The following UNC79 variants were observed in gnomAD, a reference collection of about 807,000 sequenced individuals.
UNC79 encodes unc-79 subunit of NALCN channel complex, also known as protein unc-79 homolog.
UNC79 carries 37 observed loss-of-function variants against 283.1 expected under a neutral mutation model. The ratio of observed to expected loss-of-function variants is 0.13; its 90% CI spans 0.10 to 0.17. UNC79 has a LOEUF of 0.17. Among genes scored for constraint, UNC79 ranks in the 10% least tolerant of loss-of-function variants. The pLI is 1.00. For missense variants in UNC79, 2,272 were observed against 3,211.1 expected, an observed-to-expected ratio of 0.71 and a Z score of 7.07; for synonymous variants, 1,107 against 1,200.2, an observed-to-expected ratio of 0.92 and a Z score of 1.61.
At chr14:93,464,831 C>T (rs979257256) in intron 1 of UNC79, among the ~76,000 whole-genome samples, 11 of 152,118 alleles carry the variant, frequency 7.2e-5, no homozygotes, top group African/African-American at 2.4e-4. Context: ...TGGATGCTCA[C>T]ATGGGCTTAT....
chr14:93,575,090 T>C, exon 17 of UNC79: 1 of 1,613,710 alleles, frequency 6.2e-7, no homozygotes, highest in Non-Finnish European at 8.5e-7. Flanking sequence ...TGGTTCCACT[T>C]CAACTACTAA....
intron 41 of UNC79, among the ~76,000 whole-genome samples, chr14:93,677,271 G>A (rs1233783481): frequency 6.6e-6 from 1 of 152,100 alleles, no homozygotes; most frequent in Non-Finnish European, 1.5e-5. Context: ...TGGTATATTA[G>A]TCTGTTCTCA....
chr14:93,642,114 A>G (rs768045988), intron 33 of UNC79, among the ~76,000 whole-genome samples: 11 of 152,050 alleles, frequency 7.2e-5, no homozygotes, highest in Non-Finnish European at 1.0e-4. Context: ...AGACTAATAC[A>G]GTATGCTTCT....
Position 93,531,763 on chromosome 14 carries a change from G to A in UNC79, c.1094-787G>A, listed in dbSNP as rs2060832805. 6.6e-6 allele frequency among the ~76,000 whole-genome samples: 1 copy of A among 152,132 alleles called. No individual in the cohort carries two copies. Among genetic ancestry groups the A allele is most frequent in the African/African-American group, 2.4e-5 (1 of 41,428 alleles). On this transcript the variant is annotated intron_variant, in intron 10 of 48. Transcript: ENST00000555664. The surrounding 1 kb of genome is among the most constrained non-coding windows in gnomAD (Gnocchi z 4.2). ...ATTAACCCAGTGTCATAGTATAATG[G>A]GAAGAACAGTAAATGGGGAATTTGG...
intron 1 of UNC79, among the ~76,000 whole-genome samples, chr14:93,357,813 ATATATATGGATATATGGATATG>A (rs2054132336): frequency 6.3e-5 from 6 of 95,476 alleles, no homozygotes; most frequent in Non-Finnish European, 1.2e-4. Flanking sequence ...ATATGGATAT[ATATATATGGATATATGGATATG>A]TATATATATG....
At chr14:93,656,384 C>T (rs987927330) in intron 38 of UNC79, among the ~76,000 whole-genome samples, 4 of 151,904 alleles carry the variant, frequency 2.6e-5, no homozygotes, top group African/African-American at 9.7e-5. Context: ...GTAGGGGGAT[C>T]GCTTGAACCC....
intron 1 of UNC79, among the ~76,000 whole-genome samples, chr14:93,378,839 T>A (rs745900898): frequency 3.3e-5 from 5 of 152,218 alleles, no homozygotes; most frequent in Non-Finnish European, 7.3e-5. Flanking sequence ...CAGAATTATG[T>A]CTCTTCTTTC....
At chr14:93,597,368 T>C (rs1210122597) in exon 24 of UNC79, 1 of 1,613,974 alleles carries the variant, frequency 6.2e-7, no homozygotes, top group Admixed American at 1.7e-5. Context: ...GTGGAAAAAG[T>C]TGCTGTAATT....
At chr14:93,695,126 A>G (rs1400776877) in intron 47 of UNC79, among the ~76,000 whole-genome samples, 3 of 151,744 alleles carry the variant, frequency 2.0e-5, no homozygotes, top group Non-Finnish European at 4.4e-5. Context: ...TTTCCTTCCT[A>G]TCGTTCCACC....
chr14:93,661,670 G>C (rs1414086147), intron 39 of UNC79, among the ~76,000 whole-genome samples: 1 of 152,202 alleles, frequency 6.6e-6, no homozygotes, highest in Non-Finnish European at 1.5e-5. Flanking sequence ...TAAAGCTTCA[G>C]AAGGTTAATA....
At chr14:93,694,772 A>G (rs908684929) in intron 47 of UNC79, among the ~76,000 whole-genome samples, 3 of 152,184 alleles carry the variant, frequency 2.0e-5, no homozygotes, top group Non-Finnish European at 4.4e-5. Context: ...AACAAAAAAA[A>G]AGGTAACACA....
At chr14:93,604,836 T>C (rs1344472167) in intron 26 of UNC79, 60 bp from the exon 27 acceptor site, 2 of 1,477,688 alleles carry the variant, frequency 1.4e-6, no homozygotes, top group Non-Finnish European at 9.0e-7. Context: ...ACTGAGTATA[T>C]TTTCTAGGCT....
At chr14:93,439,281 G>A (rs1204213268) in intron 1 of UNC79, among the ~76,000 whole-genome samples, 1 of 149,700 alleles carries the variant, frequency 6.7e-6, no homozygotes, top group Non-Finnish European at 1.5e-5. Context: ...TTCTTGGCTT[G>A]TATTTTACTT....
intron 14 of UNC79, among the ~76,000 whole-genome samples, chr14:93,545,129 C>T (rs1250904894): frequency 1.3e-5 from 2 of 152,066 alleles, no homozygotes; most frequent in Non-Finnish European, 2.9e-5. Context: ...ATCTAGTTTA[C>T]AAAGAGGTGA....
chr14:93,589,916 C>A (rs192214933), intron 22 of UNC79, among the ~76,000 whole-genome samples: 2 of 152,224 alleles, frequency 1.3e-5, no homozygotes, highest in African/African-American at 4.8e-5. Context: ...AAAATATTAG[C>A]CAAGTATGGT....
chr14:93,392,727 C>T (rs1485165754), intron 1 of UNC79, among the ~76,000 whole-genome samples: 2 of 152,038 alleles, frequency 1.3e-5, no homozygotes, highest in Admixed American at 6.5e-5. Flanking sequence ...ACTGTTAATT[C>T]GGTTTGAAAT....
chr14:93,688,700 A>C lies in UNC79; in HGVS notation c.6945A>C (p.Glu2315Asp). 1 of 1,614,084 alleles carries C rather than the reference A, an allele frequency of 6.2e-7. No homozygotes were observed. The highest frequency in any genetic ancestry group is 1.3e-5 in the African/African-American group (1 of 75,034). Residue 2315 changes from glutamate (E) to aspartate (D), a missense_variant, in exon 44 of 49, where the codon GAA (glutamate) becomes GAC (aspartate). Physicochemically the swap from Glu to Asp is conservative, Grantham distance 45 (BLOSUM62 2). Around this residue, in one of 11 missense-constraint regions of UNC79, gnomAD observed 287 missense variants for 446.4 expected, o/e 0.64. Transcript: ENST00000555664. This position sits in a 1 kb window ranked among gnomAD's most constrained non-coding sequence, Gnocchi z 4.0. ...AGACATGTTCCCAGCCTCTGCATGA[A>C]GATACCTTTGGGGGACATCTCAAAG...
At chr14:93,579,690 G>T (rs926568800) in intron 18 of UNC79, among the ~76,000 whole-genome samples, 1 of 152,050 alleles carries the variant, frequency 6.6e-6, no homozygotes. Context: ...TTGATTTCTG[G>T]TGTGACAAGA....
At chr14:93,558,341 G>T (rs1295832165) in intron 14 of UNC79, among the ~76,000 whole-genome samples, 1 of 152,162 alleles carries the variant, frequency 6.6e-6, no homozygotes, top group African/African-American at 2.4e-5. Flanking sequence ...CAGATCATGA[G>T]GTCAGGAGAT....
Sources: allele counts gnomAD v4.1 joint callset (sites outside exome capture counted in the v4.1 genomes callset), GRCh38; gene constraint gnomAD v4.1.1; regional missense constraint gnomAD v4.1.1; non-coding constraint Gnocchi (gnomAD v3.1); transcripts MANE v1.5; gene names NCBI Gene and HGNC (gene_info 2026-07-23, HGNC 2026-07-21).